Variants in SPATA6L observed in about 807,000 individuals in gnomAD.
The protein encoded by SPATA6L is spermatogenesis associated 6-like protein.
SPATA6L carries 68 observed loss-of-function variants against 49.2 expected under a neutral mutation model. The observed-to-expected ratio is 1.38, with a 90% confidence interval of 1.14 to 1.69. The LOEUF (loss-of-function observed/expected upper bound fraction) is 1.69, where lower values mean the gene tolerates loss of function less well. Ranked by LOEUF, SPATA6L falls within the 40% of genes most tolerant of loss-of-function variation. The pLI is 0.00. For missense variants in SPATA6L, 668 were observed against 464.3 expected (o/e 1.44, Z -4.03); for synonymous variants, 198 against 165.7 (o/e 1.19, Z -1.50).
At position 4,589,906 on chromosome 9, in the gene SPATA6L, T is replaced by A. The variant is rs544116644; in HGVS notation, c.*255-945A>T. 5.1e-4 allele frequency among the ~76,000 whole-genome samples: 78 copies of A among 152,310 alleles called. 1 individual carries two copies. The highest frequency in any genetic ancestry group is 1.9e-3 in the African/African-American group (77 of 41,580). On this transcript the variant is annotated intron_variant and NMD_transcript_variant, in intron 13 of 13. Transcript: ENST00000461761. ...ATAAAGAAGAAGAAGCAGGCCTTGT[T>A]AAATTAGCTTTGGGAACTATATATT...
intron 11 of SPATA6L, 107 bp from the exon 12 acceptor site, chr9:4,600,916 T>A (rs979772772): frequency 2.0e-5 from 3 of 152,256 alleles, no homozygotes; most frequent in Admixed American, 6.5e-5. Flanking sequence ...AATCTTGGCA[T>A]GTAGCTATGC....
chr9:4,644,834 A>G (rs1319199477), intron 3 of SPATA6L, among the ~76,000 whole-genome samples: 1 of 152,102 alleles, frequency 6.6e-6, no homozygotes, highest in Non-Finnish European at 1.5e-5. Context: ...CTCAGGTCTT[A>G]TGTCACTCAA....
intron 9 of SPATA6L, among the ~76,000 whole-genome samples, chr9:4,609,414 G>A (rs980332131): frequency 2.0e-5 from 3 of 152,118 alleles, no homozygotes; most frequent in South Asian, 4.1e-4. Flanking sequence ...CTGGCAAAAC[G>A]AATCCAGCAG....
Position 4,623,843 on chromosome 9 carries a change from T to G in SPATA6L, c.670-1333A>C, listed in dbSNP as rs77167165. ...TAAATCAGATATATTTTCAATGAAA[T>G]GAAATAAATGAAGTCAATTCGATAT... On this transcript the variant is annotated intron_variant, in intron 6 of 11. Coordinates refer to ENST00000682582, the MANE Select transcript of SPATA6L (RefSeq NM_001353486.2). 7.9e-3 allele frequency among the ~76,000 whole-genome samples: 1,206 copies of G among 152,350 alleles called. 17 individuals carry two copies. The highest frequency in any genetic ancestry group is 0.028 in the African/African-American group (1,169 of 41,590).
intron 3 of SPATA6L, among the ~76,000 whole-genome samples, chr9:4,639,174 G>C (rs1564254846): frequency 6.6e-6 from 1 of 152,108 alleles, no homozygotes; most frequent in Admixed American, 6.5e-5. Context: ...ATTGCTCCCT[G>C]ACACCAGCCC....
At chr9:4,641,058 A>G (rs575198650) in intron 3 of SPATA6L, among the ~76,000 whole-genome samples, 1 of 152,316 alleles carries the variant, frequency 6.6e-6, no homozygotes, top group East Asian at 1.9e-4. Context: ...CAACATATAT[A>G]TAGGTGTGTG....
intron 5 of SPATA6L, chr9:4,628,147 A>G (rs1439012035): frequency 5.1e-6 from 1 of 196,324 alleles, no homozygotes; most frequent in Non-Finnish European, 1.0e-5. Flanking sequence ...GTTAAAGGGC[A>G]CAAAAAAAAA....
At position 4,600,463 on chromosome 9, in the gene SPATA6L, GAGAGAGAGACAGAGAGAGCC is replaced by G. The variant is rs1564095981; in HGVS notation, c.*328_*347del. 1 of 136,740 alleles carries G rather than the reference GAGAGAGAGACAGAGAGAGCC, an allele frequency of 7.3e-6. No homozygotes were observed. The highest frequency in any genetic ancestry group is 1.6e-5 in the Non-Finnish European group (1 of 63,500). The allele number at this position is 136,740 out of a possible 1,614,324, so 8.5% of individuals were successfully genotyped here. On this transcript the variant is annotated 3_prime_UTR_variant, in exon 12 of 12. Transcript: ENST00000682582. ...TCTAGCTCATATATAATTAATTTGA[GAGAGAGAGACAGAGAGAGCC>G]AGAGAGAGCCAGAGAGAGAGAGAGG...
chr9:4,616,338 G>T (rs1827995161), intron 9 of SPATA6L, among the ~76,000 whole-genome samples: 1 of 152,142 alleles, frequency 6.6e-6, no homozygotes, highest in Admixed American at 6.5e-5. Context: ...AAATCACCCA[G>T]CACTTAGAGA....
At chr9:4,619,161 T>G (rs796132263) in intron 7 of SPATA6L, among the ~76,000 whole-genome samples, 2 of 146,558 alleles carry the variant, frequency 1.4e-5, no homozygotes, top group South Asian at 2.2e-4. Context: ...TTCTCTTTTT[T>G]TTTTTTTTTT....
At chr9:4,659,420 T>G (rs376093041) in intron 2 of SPATA6L, among the ~76,000 whole-genome samples, 2 of 151,410 alleles carry the variant, frequency 1.3e-5, no homozygotes, top group Non-Finnish European at 2.9e-5. Flanking sequence ...TGAACTCCTA[T>G]TCACAATTGC....
chr9:4,613,883 C>G (rs1827357619), intron 9 of SPATA6L, among the ~76,000 whole-genome samples: 1 of 152,106 alleles, frequency 6.6e-6, no homozygotes, highest in African/African-American at 2.4e-5. Context: ...ACGCTTGGCC[C>G]TTCTCTAAGA....
chr9:4,664,568 T>A (rs978357772), intron 1 of SPATA6L: 1 of 167,086 alleles, frequency 6.0e-6, no homozygotes, highest in South Asian at 2.1e-4. Context: ...TGCTCATTAT[T>A]CTTTGACCCA....
At position 4,666,449 on chromosome 9, in the gene SPATA6L, T is replaced by G; in HGVS notation, c.-199A>C. The stretch of plus-strand genomic sequence containing the variant: ...GGGTCTCTCACACTCGAAGCTGGAG[T>G]GCAGGCTTCCAGAAGGCGGAAGCGT... On this transcript the variant is annotated 5_prime_UTR_variant, in exon 1 of 12. Coordinates refer to ENST00000682582, the MANE Select transcript of SPATA6L (RefSeq NM_001353486.2). 1.7e-6 allele frequency: 1 copy of G among 595,032 alleles called. No homozygotes were observed. Among genetic ancestry groups the G allele is most frequent in the Non-Finnish European group, 3.0e-6 (1 of 331,468 alleles). The allele number at this position is 595,032 out of a possible 1,614,324, so 36.9% of individuals were successfully genotyped here.
At chr9:4,627,767 G>A in intron 5 of SPATA6L, 2 of 1,289,354 alleles carry the variant, frequency 1.6e-6, no homozygotes, top group Non-Finnish European at 2.0e-6. Flanking sequence ...GACGGACCAT[G>A]AATACAATCC....
intron 5 of SPATA6L, chr9:4,627,655 CA>C: frequency 9.3e-7 from 1 of 1,074,626 alleles, no homozygotes; most frequent in South Asian, 1.5e-5. Flanking sequence ...AAAAGCAAAA[CA>C]GAAAGAAATT....
At chr9:4,594,759 T>G (rs1421443179), downstream of SPATA6L, among the ~76,000 whole-genome samples, 1 of 152,162 alleles carries the variant, frequency 6.6e-6, no homozygotes, top group South Asian at 2.1e-4. Flanking sequence ...CATGGTGTAC[T>G]CCTGCATTTT....
intron 7 of SPATA6L, among the ~76,000 whole-genome samples, chr9:4,620,244 C>T (rs1197262607): frequency 6.6e-6 from 1 of 152,082 alleles, no homozygotes; most frequent in African/African-American, 2.4e-5. Context: ...GGATTCATAA[C>T]ATGTGGTCTC....
rs552691048 is a variant in SPATA6L at position 4,589,571 on chromosome 9, T to C, written c.*255-610A>G. On this transcript the variant is annotated intron_variant and NMD_transcript_variant, in intron 13 of 13. Transcript: ENST00000461761. ...ACTTAATTTTTTCTATAAAGTGTCA[T>C]GTAGGAGGTAAACAAAAAATAAGTG... 3.9e-5 allele frequency among the ~76,000 whole-genome samples: 6 copies of C among 152,334 alleles called. No individual in the cohort carries two copies. In the South Asian group the frequency reaches 6.2e-4, roughly 16 times the overall value.
Sources: gnomAD v4.1 joint callset for allele counts (sites outside exome capture counted in the v4.1 genomes callset) on GRCh38, gnomAD v4.1.1 for gene constraint, MANE v1.5 for transcripts, NCBI Gene and HGNC (gene_info 2026-07-23, HGNC 2026-07-21) for gene names.